MBTD1: variants seen among roughly 807,000 people sequenced by gnomAD.
MBTD1 encodes mbt domain containing 1, also known as MBT domain-containing protein 1.
MBTD1 carries 24 observed loss-of-function variants against 87.8 expected under a neutral mutation model. That is an observed-to-expected ratio of 0.27 (90% CI 0.20 to 0.38). The LOEUF (loss-of-function observed/expected upper bound fraction) is 0.38, where lower values mean the gene tolerates loss of function less well. Among genes scored for constraint, MBTD1 ranks in the 10% least tolerant of loss-of-function variants. The pLI is 1.00. For synonymous variants in MBTD1, 237 were observed against 248.6 expected, an observed-to-expected ratio of 0.95 and a Z score of 0.44; for missense variants, 436 against 760.2, an observed-to-expected ratio of 0.57 and a Z score of 5.02.
intron 2 of MBTD1, among the ~76,000 whole-genome samples, chr17:51,226,314 G>A (rs1406694194): frequency 6.6e-6 from 1 of 151,514 alleles, no homozygotes; most frequent in East Asian, 2.0e-4. Context: ...TGAGGAGTTT[G>A]AGACCAGCCT....
rs866932302 is a variant in MBTD1, at chr17:51,179,510, A to T, written c.*1066T>A. ...TATATATATATATATATATATATATATATATATATATATATATATATATAT... is the reference window on the plus strand; with the variant it reads ...TATATATATATATATATATATATATTTATATATATATATATATATATATAT... On this transcript the variant is annotated 3_prime_UTR_variant, in exon 17 of 17. Transcript: ENST00000586178. The T allele has an allele frequency of 2.3e-3, 224 of 95,616 alleles. 7 individuals are homozygous for T. The East Asian group carries it at 0.024, about 10-fold the overall frequency. 5.9% of individuals were successfully genotyped at this position (95,616 alleles called of 1,614,324 possible).
At chr17:51,211,153 A>AG (rs1169571971) in intron 6 of MBTD1, among the ~76,000 whole-genome samples, 1 of 150,910 alleles carries the variant, frequency 6.6e-6, no homozygotes, top group Non-Finnish European at 1.5e-5. Context: ...AAAAAAGAAA[A>AG]AAAAAAAAAG....
chr17:51,186,190 G>C (rs765030528), intron 16 of MBTD1: 2 of 152,632 alleles, frequency 1.3e-5, no homozygotes, highest in Admixed American at 6.5e-5. Flanking sequence ...AAACTGACAG[G>C]CTTCTTCCCA....
intron 2 of MBTD1, chr17:51,249,731 G>GT (rs1174640211): frequency 1.8e-4 from 27 of 151,688 alleles, no homozygotes; most frequent in African/African-American, 6.5e-4. Context: ...ATTTCTCTCA[G>GT]TATTTTGGAA....
At chr17:51,250,425 G>A (rs1404367650) in intron 2 of MBTD1, 1 of 152,092 alleles carries the variant, frequency 6.6e-6, no homozygotes, top group Non-Finnish European at 1.5e-5. Context: ...CCTCAGGAGG[G>A]GTAAACGAGT....
At chr17:51,234,992 G>C (rs888931334) in intron 2 of MBTD1, among the ~76,000 whole-genome samples, 1 of 151,560 alleles carries the variant, frequency 6.6e-6, no homozygotes, top group South Asian at 2.1e-4. Context: ...CACCACGCCC[G>C]GCCTATATAT....
chr17:51,197,678 T>C (rs1172158158), intron 12 of MBTD1, among the ~76,000 whole-genome samples: 1 of 152,134 alleles, frequency 6.6e-6, no homozygotes, highest in Non-Finnish European at 1.5e-5. Context: ...CTAATTTTTG[T>C]AGAGACAGTG....
upstream of MBTD1, chr17:51,260,513 G>A (rs1254839177): frequency 3.4e-6 from 5 of 1,478,452 alleles, no homozygotes; most frequent in South Asian, 1.4e-5. Flanking sequence ...GGCGGCGGCG[G>A]CCCGCGAGGG....
intron 15 of MBTD1, 194 bp downstream of exon 15, chr17:51,192,588 A>C: frequency 1.1e-6 from 1 of 940,994 alleles, no homozygotes; most frequent in South Asian, 1.8e-5. Context: ...GTAATTGACT[A>C]TTGGATTCAC....
intron 2 of MBTD1, among the ~76,000 whole-genome samples, chr17:51,236,693 C>A (rs948868465): frequency 1.3e-5 from 2 of 151,930 alleles, no homozygotes; most frequent in African/African-American, 4.8e-5. Context: ...CCTCCATCAC[C>A]TCTCTCTGTT....
intron 16 of MBTD1, among the ~76,000 whole-genome samples, chr17:51,191,106 T>G (rs1304223773): frequency 1.3e-5 from 2 of 151,994 alleles, no homozygotes; most frequent in Non-Finnish European, 2.9e-5. Flanking sequence ...GAATGAAACA[T>G]TCTATGACAA....
At chr17:51,235,587 G>C (rs1401169032) in intron 2 of MBTD1, among the ~76,000 whole-genome samples, 2 of 152,144 alleles carry the variant, frequency 1.3e-5, no homozygotes, top group Non-Finnish European at 2.9e-5. Flanking sequence ...AGACCAAAGA[G>C]GAGCCATATA....
At chr17:51,199,812 T>C (rs2051355009) in intron 12 of MBTD1, among the ~76,000 whole-genome samples, 1 of 150,406 alleles carries the variant, frequency 6.6e-6, no homozygotes, top group Non-Finnish European at 1.5e-5. Flanking sequence ...TCATAATTGT[T>C]TTCCTTTTTC....
chr17:51,197,384 T>C (rs892828839), intron 12 of MBTD1, among the ~76,000 whole-genome samples: 3 of 151,934 alleles, frequency 2.0e-5, no homozygotes, highest in Admixed American at 1.3e-4. Flanking sequence ...ATAGTTTTAC[T>C]TGTTGAATTT....
chr17:51,218,785 CAACT>C (rs1214661647), intron 5 of MBTD1, 141 bp downstream of exon 5: 1 of 571,274 alleles, frequency 1.8e-6, no homozygotes, highest in Non-Finnish European at 3.1e-6. Context: ...GAAATCAAAA[CAACT>C]ATTAGGAAGC....
At chr17:51,230,130 C>T (rs1311942676) in intron 2 of MBTD1, among the ~76,000 whole-genome samples, 1 of 152,104 alleles carries the variant, frequency 6.6e-6, no homozygotes, top group Non-Finnish European at 1.5e-5. Context: ...TTCTATAAAT[C>T]AAAGGTATTT....
intron 16 of MBTD1, chr17:51,184,687 A>G (rs569449343): frequency 3.3e-4 from 51 of 152,352 alleles, no homozygotes; most frequent in African/African-American, 1.2e-3. Context: ...AATGTGACAT[A>G]CATCTTCAAA....
chr17:51,236,677 G>C (rs2053856572), intron 2 of MBTD1, among the ~76,000 whole-genome samples: 1 of 152,062 alleles, frequency 6.6e-6, no homozygotes, highest in Non-Finnish European at 1.5e-5. Flanking sequence ...TGCCCTCACA[G>C]GCCTACCTCC....
At chr17:51,240,404 C>T (rs2054097453) in intron 2 of MBTD1, among the ~76,000 whole-genome samples, 1 of 152,192 alleles carries the variant, frequency 6.6e-6, no homozygotes, top group Non-Finnish European at 1.5e-5. Flanking sequence ...CATACAGCTT[C>T]TCTTGGTTGT....
Sources: allele counts gnomAD v4.1 joint callset (sites outside exome capture counted in the v4.1 genomes callset), GRCh38; gene constraint gnomAD v4.1.1; transcripts MANE v1.5; gene names NCBI Gene and HGNC (gene_info 2026-07-23, HGNC 2026-07-21).